The following DGKG variants were observed in gnomAD, a reference collection of about 807,000 sequenced individuals.
DGKG encodes DAG kinase gamma.
Under a neutral mutation model 105.3 loss-of-function variants are expected in DGKG, and 78 were observed. The observed-to-expected ratio is 0.74, with a 90% CI of 0.62 to 0.89. DGKG has a LOEUF of 0.89. Ranked by LOEUF, DGKG falls within the 40% of genes least tolerant of loss-of-function variation. DGKG has a pLI of 0.00. For synonymous variants in DGKG, 346 were observed against 367.1 expected (o/e 0.94, Z 0.66); for missense variants, 958 against 1,020.1 (o/e 0.94, Z 0.83).
intron 1 of DGKG, among the ~76,000 whole-genome samples, chr3:186,331,503 G>C (rs1047534687): frequency 6.6e-6 from 1 of 152,218 alleles, no homozygotes; most frequent in Non-Finnish European, 1.5e-5. Context: ...AGAATTCAGA[G>C]AGGATTTTCA....
In DGKG at chr3:186,268,917, C is replaced by T. The variant is rs1164487603; in HGVS notation, c.1000G>A (p.Val334Met). Reference protein sequence around the residue: ...TYSKAKRSGEVMQHAWVEGNS... With the variant: ...TYSKAKRSGEMMQHAWVEGNS... ...CCTTCCACCCATGCGTGCTGCATCA[C>T]CTGCGGGAGGGAAGCGAACGATGCC... The change falls in exon 12 of 25, where the codon GTG (valine) becomes ATG (methionine). Residue 334 changes from valine (V) to methionine (M), a missense_variant and splice_region_variant. Around this residue, in one of 2 missense-constraint regions of DGKG, gnomAD observed 643 missense variants for 619.5 expected, o/e 1.04. Coordinates refer to ENST00000265022, the MANE Select transcript of DGKG (RefSeq NM_001346.3). 2 of 1,610,374 alleles carry T rather than the reference C, an allele frequency of 1.2e-6. No individual in the cohort carries two copies. Among genetic ancestry groups the T allele is most frequent in the East Asian group, 2.2e-5 (1 of 44,880 alleles).
chr3:186,306,932 C>T lies in DGKG; in HGVS notation c.113G>A (p.Gly38Asp), dbSNP rs748510585. The T allele has an allele frequency of 1.9e-6, 3 of 1,612,644 alleles. No homozygotes were observed. The highest frequency in any genetic ancestry group is 2.7e-5 in the African/African-American group (2 of 74,862). The stretch of plus-strand genomic sequence containing the variant: ...TGGGTCATATTGTTTGAGGCTCCCA[C>T]CCTCATTAAATTCAGTCAAGGCATC... ...IKDALTEFNEGGSLKQYDPHE... is the reference protein window; with the variant it reads ...IKDALTEFNEDGSLKQYDPHE... Residue 38 changes from glycine (G) to aspartate (D), a missense_variant, in exon 3 of 25, where the codon GGT becomes GAT. Physicochemically the swap from Gly to Asp is moderately conservative, Grantham distance 94 (BLOSUM62 -1). Around this residue, in one of 2 missense-constraint regions of DGKG, gnomAD observed 643 missense variants for 619.5 expected, o/e 1.04. Coordinates refer to ENST00000265022, the MANE Select transcript of DGKG (RefSeq NM_001346.3).
intron 1 of DGKG, among the ~76,000 whole-genome samples, chr3:186,345,415 C>T (rs1726282768): frequency 6.6e-6 from 1 of 152,116 alleles, no homozygotes; most frequent in Admixed American, 6.5e-5. Context: ...TCTTCATTTT[C>T]ATGCTCTATT....
At chr3:186,253,638 C>G (rs1721327292) in intron 17 of DGKG, among the ~76,000 whole-genome samples, 1 of 152,158 alleles carries the variant, frequency 6.6e-6, no homozygotes, top group African/African-American at 2.4e-5. Flanking sequence ...CCATTCTACC[C>G]TGAACACGCT....
intron 21 of DGKG, among the ~76,000 whole-genome samples, chr3:186,196,137 CTTTTT>C (rs71164579): frequency 1.5e-5 from 2 of 131,096 alleles, no homozygotes; most frequent in African/African-American, 5.6e-5. Flanking sequence ...CTTTTTCTTT[CTTTTT>C]TTTTTTTTTT....
intron 22 of DGKG, among the ~76,000 whole-genome samples, chr3:186,179,051 C>T (rs1717231591): frequency 6.6e-6 from 1 of 152,206 alleles, no homozygotes; most frequent in African/African-American, 2.4e-5. Flanking sequence ...TGTTGAAATA[C>T]AGACTCTGCT....
At chr3:186,293,020 A>G (rs1277523254) in intron 5 of DGKG, among the ~76,000 whole-genome samples, 1 of 152,078 alleles carries the variant, frequency 6.6e-6, no homozygotes, top group African/African-American at 2.4e-5. Context: ...GAGGGTCCAG[A>G]GGTTTTTCAC....
In DGKG at chr3:186,226,840, T is replaced by C. The variant is rs1446615814; in HGVS notation, c.1827-14955A>G. On this transcript the variant is annotated intron_variant, in intron 20 of 24. Coordinates refer to ENST00000265022, the MANE Select transcript of DGKG (RefSeq NM_001346.3). The surrounding 1 kb of genome is among the most constrained non-coding windows in gnomAD (Gnocchi z 4.2). ...AGTGTAGGTTCAATAAACATGAATA[T>C]TCAGCAATTACGTAATTCCCTGCTG... Among the ~76,000 whole-genome samples, 1 of 152,212 alleles carries C rather than the reference T, an allele frequency of 6.6e-6. No homozygotes were observed.
intron 24 of DGKG, among the ~76,000 whole-genome samples, chr3:186,157,914 G>T (rs1716115562): frequency 6.6e-6 from 1 of 152,032 alleles, no homozygotes. Context: ...TGCTGGTCAG[G>T]CTGGTCTCAA....
At chr3:186,266,240 T>C (rs1722051144) in intron 13 of DGKG, among the ~76,000 whole-genome samples, 1 of 152,206 alleles carries the variant, frequency 6.6e-6, no homozygotes, top group South Asian at 2.1e-4. Flanking sequence ...AGCATATCTT[T>C]TCGAGTCTAG....
intron 5 of DGKG, among the ~76,000 whole-genome samples, chr3:186,297,029 A>C (rs1723597455): frequency 6.7e-6 from 1 of 148,368 alleles, no homozygotes; most frequent in African/African-American, 2.5e-5. Flanking sequence ...TCAGCCTTAC[A>C]GCCACAGCCA....
At chr3:186,252,291 G>C (rs1320347889) in intron 18 of DGKG, among the ~76,000 whole-genome samples, 2 of 152,226 alleles carry the variant, frequency 1.3e-5, no homozygotes, top group Admixed American at 6.5e-5. Flanking sequence ...TTTTAAGATG[G>C]CCGCTAGGCC....
intron 3 of DGKG, among the ~76,000 whole-genome samples, chr3:186,299,765 T>TC (rs1723781647): frequency 7.5e-6 from 1 of 133,682 alleles, no homozygotes. Context: ...TTTTCTTCTT[T>TC]TCTCTTTCTT....
At chr3:186,297,037 C>T in intron 5 of DGKG, among the ~76,000 whole-genome samples, 1 of 148,346 alleles carries the variant, frequency 6.7e-6, no homozygotes, top group East Asian at 2.0e-4. Context: ...ACAGCCACAG[C>T]CACCTCTCTC....
Position 186,245,531 on chromosome 3 carries a change from C to T in DGKG, c.1762-2963G>A, listed in dbSNP as rs186704898. 3.9e-3 allele frequency among the ~76,000 whole-genome samples: 593 copies of T among 152,294 alleles called. 6 individuals are homozygous for T. The highest frequency in any genetic ancestry group is 0.011 in the African/African-American group (476 of 41,564). On this transcript the variant is annotated intron_variant, in intron 19 of 24. Transcript: ENST00000265022. ...TCAAACCCTTTCTTGGTTATTAAGG[C>T]GTAAACCCTTTCTTGATGATAATTA...
chr3:186,256,404 C>T (rs1298497381), intron 17 of DGKG, among the ~76,000 whole-genome samples: 1 of 152,198 alleles, frequency 6.6e-6, no homozygotes, highest in Non-Finnish European at 1.5e-5. Context: ...GTCAGCAAAT[C>T]GTATTGCCTT....
intron 1 of DGKG, among the ~76,000 whole-genome samples, chr3:186,354,719 G>A (rs146288512): frequency 6.6e-6 from 1 of 152,288 alleles, no homozygotes; most frequent in Admixed American, 6.5e-5. Context: ...CTTAAGAAGC[G>A]AATTCCAAGA....
intron 22 of DGKG, among the ~76,000 whole-genome samples, chr3:186,172,608 A>G (rs749569273): frequency 2.0e-5 from 3 of 152,236 alleles, no homozygotes; most frequent in Admixed American, 6.5e-5. Context: ...GGGTAATGCT[A>G]GTTAGCCAAT....
intron 20 of DGKG, among the ~76,000 whole-genome samples, chr3:186,240,807 GAAA>G (rs11311286): frequency 2.9e-4 from 40 of 138,792 alleles, no homozygotes; most frequent in Non-Finnish European, 3.9e-4. Flanking sequence ...GAAACTCCAT[GAAA>G]AAAAAAAAAA....
Sources: gnomAD v4.1 joint callset for allele counts (sites outside exome capture counted in the v4.1 genomes callset) on GRCh38, gnomAD v4.1.1 for gene constraint, gnomAD v4.1.1 regional missense constraint, Gnocchi (gnomAD v3.1) non-coding constraint, MANE v1.5 for transcripts, NCBI Gene and HGNC (gene_info 2026-07-23, HGNC 2026-07-21) for gene names.